SDK1: variants seen among roughly 807,000 people sequenced by gnomAD.
SDK1 encodes the protein protein sidekick-1.
In SDK1, 157 loss-of-function variants were observed where a neutral mutation model predicts 245.5. That is an observed-to-expected ratio of 0.64 (90% CI 0.56 to 0.73). The LOEUF (loss-of-function observed/expected upper bound fraction) is 0.73. SDK1 is among the 30% of genes least tolerant of loss of function. SDK1 has a pLI of 0.00. For synonymous variants in SDK1, 1,647 were observed against 1,278.5 expected, an observed-to-expected ratio of 1.29 and a Z score of -6.15; for missense variants, 3,583 against 3,002.3, an observed-to-expected ratio of 1.19 and a Z score of -4.52.
chr7:3,545,986 T>C lies in SDK1; in HGVS notation c.299-73094T>C, dbSNP rs75772214. On this transcript the variant is annotated intron_variant, in intron 1 of 44. Transcript: ENST00000404826. ...TTGAAAGAAAGACTTTAGTAACCTA[T>C]TGATATTTCTGTCTTCATTATTTTA... Among the ~76,000 whole-genome samples, 396 of 152,374 alleles carry C rather than the reference T, an allele frequency of 2.6e-3. 2 individuals carry two copies. Among genetic ancestry groups the C allele is most frequent in the African/African-American group, 9.0e-3 (376 of 41,592 alleles).
At chr7:3,549,073 T>C (rs1022500350) in intron 1 of SDK1, among the ~76,000 whole-genome samples, 1 of 152,228 alleles carries the variant, frequency 6.6e-6, no homozygotes, top group Admixed American at 6.5e-5. Flanking sequence ...TTACATGACT[T>C]TAACTACTTG....
intron 38 of SDK1, among the ~76,000 whole-genome samples, chr7:4,215,000 T>C (rs1251057369): frequency 6.6e-6 from 1 of 152,156 alleles, no homozygotes; most frequent in Non-Finnish European, 1.5e-5. Context: ...GCCACCCAGG[T>C]GGACCTCATG....
intron 40 of SDK1, among the ~76,000 whole-genome samples, chr7:4,225,508 A>G (rs1785382724): frequency 6.6e-6 from 1 of 152,086 alleles, no homozygotes; most frequent in Non-Finnish European, 1.5e-5. Context: ...GGCAGCGATA[A>G]GGCATTGGTT....
At chr7:3,601,222 T>C (rs1210081632) in intron 1 of SDK1, among the ~76,000 whole-genome samples, 1 of 152,198 alleles carries the variant, frequency 6.6e-6, no homozygotes, top group East Asian at 1.9e-4. Context: ...AAGGTAGTAA[T>C]AGTCTTCAAG....
At chr7:3,923,245 A>G (rs1330382743) in intron 5 of SDK1, among the ~76,000 whole-genome samples, 2 of 151,684 alleles carry the variant, frequency 1.3e-5, no homozygotes, top group Non-Finnish European at 2.9e-5. Flanking sequence ...ATATTTCTTT[A>G]TGTTCTTTAA....
intron 44 of SDK1, among the ~76,000 whole-genome samples, chr7:4,254,403 C>T (rs1562484910): frequency 1.3e-5 from 2 of 152,052 alleles, no homozygotes; most frequent in Admixed American, 6.6e-5. Context: ...TACTATTGAG[C>T]CTATCTAATG....
chr7:4,172,532 G>A (rs1781912217), intron 32 of SDK1, among the ~76,000 whole-genome samples: 1 of 152,184 alleles, frequency 6.6e-6, no homozygotes, highest in Admixed American at 6.5e-5. Flanking sequence ...ACCCCTCCTG[G>A]TGCCTGGGTT....
chr7:4,203,524 T>C (rs1457158430), intron 35 of SDK1, among the ~76,000 whole-genome samples: 1 of 122,888 alleles, frequency 8.1e-6, no homozygotes, highest in Non-Finnish European at 1.7e-5. Flanking sequence ...ATTTCATGTA[T>C]TTTTTTTTTA....
At chr7:4,034,927 C>T (rs1788105188) in intron 17 of SDK1, among the ~76,000 whole-genome samples, 1 of 152,186 alleles carries the variant, frequency 6.6e-6, no homozygotes, top group Non-Finnish European at 1.5e-5. Context: ...AATATATTTG[C>T]TTATAGAATT....
At chr7:3,459,668 T>G (rs1251738102) in intron 1 of SDK1, among the ~76,000 whole-genome samples, 3 of 152,216 alleles carry the variant, frequency 2.0e-5, no homozygotes, top group African/African-American at 4.8e-5. Context: ...CCCCATAAAT[T>G]GCTTCGTCGC....
intron 44 of SDK1, among the ~76,000 whole-genome samples, chr7:4,255,395 C>G (rs1325525380): frequency 6.6e-6 from 1 of 152,238 alleles, no homozygotes; most frequent in Non-Finnish European, 1.5e-5. Flanking sequence ...CAATAGCCTT[C>G]TTCTTCCATA....
At chr7:4,225,136 CAGA>C (rs1408226927) in intron 40 of SDK1, among the ~76,000 whole-genome samples, 1 of 151,782 alleles carries the variant, frequency 6.6e-6, no homozygotes, top group Non-Finnish European at 1.5e-5. Flanking sequence ...CACAGGGTCA[CAGA>C]AGGAGGCATT....
chr7:3,952,960 C>T (rs897316537), intron 7 of SDK1, among the ~76,000 whole-genome samples: 11 of 151,982 alleles, frequency 7.2e-5, no homozygotes, highest in Non-Finnish European at 1.2e-4. Context: ...CATAAGTGGC[C>T]GTGATGACTA....
At chr7:3,753,414 C>T (rs1321690323) in intron 4 of SDK1, among the ~76,000 whole-genome samples, 1 of 152,134 alleles carries the variant, frequency 6.6e-6, no homozygotes, top group Non-Finnish European at 1.5e-5. Flanking sequence ...CTTAATGAGC[C>T]TTTACAAAAC....
chr7:3,364,207 G>A (rs527379276), intron 1 of SDK1, among the ~76,000 whole-genome samples: 26 of 152,232 alleles, frequency 1.7e-4, no homozygotes, highest in Admixed American at 1.4e-3. Context: ...AACATTTGGC[G>A]TACAAATATA....
intron 4 of SDK1, among the ~76,000 whole-genome samples, chr7:3,759,032 C>T (rs1394122210): frequency 1.3e-5 from 2 of 152,178 alleles, no homozygotes; most frequent in Non-Finnish European, 2.9e-5. Context: ...GCATTATCCA[C>T]AGTTTATTTA....
intron 22 of SDK1, among the ~76,000 whole-genome samples, chr7:4,104,826 C>T (rs1290859031): frequency 1.3e-5 from 2 of 152,100 alleles, no homozygotes; most frequent in African/African-American, 4.8e-5. Context: ...CATCAGCCTC[C>T]TGAGTAGCTG....
At chr7:3,687,418 C>T (rs182184642) in intron 4 of SDK1, among the ~76,000 whole-genome samples, 118 of 152,310 alleles carry the variant, frequency 7.7e-4, no homozygotes, top group African/African-American at 2.6e-3. Flanking sequence ...TGAGCCACCC[C>T]GCCCAGCCCC....
chr7:3,616,893 T>A (rs1180515379), intron 1 of SDK1, among the ~76,000 whole-genome samples: 2 of 152,144 alleles, frequency 1.3e-5, no homozygotes, highest in Non-Finnish European at 2.9e-5. Flanking sequence ...TACCAAAAAT[T>A]TAAAGTTGAG....
Sources: gnomAD v4.1 joint callset for allele counts (sites outside exome capture counted in the v4.1 genomes callset) on GRCh38, gnomAD v4.1.1 for gene constraint, MANE v1.5 for transcripts, NCBI Gene and HGNC (gene_info 2026-07-23, HGNC 2026-07-21) for gene names.